The following ZGPAT variants were observed in gnomAD, a reference collection of about 807,000 sequenced individuals.
ZGPAT encodes zinc finger CCCH-type and G-patch domain containing, also known as zinc finger CCCH-type with G patch domain-containing protein.
Under a neutral mutation model 47.9 loss-of-function variants are expected in ZGPAT, and 39 were observed. The observed-to-expected ratio is 0.81, with a 90% CI of 0.63 to 1.06. The LOEUF (loss-of-function observed/expected upper bound fraction) is 1.06, where lower values mean the gene tolerates loss of function less well. ZGPAT is among the 50% of genes least tolerant of loss of function. ZGPAT has a pLI of 0.00. For synonymous variants in ZGPAT, 348 were observed against 292.9 expected (o/e 1.19, Z -1.92); for missense variants, 717 against 681.4 (o/e 1.05, Z -0.58).
chr20:63,731,459 T>TGTGTATGTGTGCATGTGCATAC (rs1263850863), intron 2 of ZGPAT, among the ~76,000 whole-genome samples: 9 of 106,946 alleles, frequency 8.4e-5, no homozygotes, highest in African/African-American at 2.2e-4. Flanking sequence ...TGGTCCTTGG[T>TGTGTATGTGTGCATGTGCATAC]GTGTATGTGT....
intron 2 of ZGPAT, among the ~76,000 whole-genome samples, chr20:63,722,599 A>C (rs1046083331): frequency 2.0e-5 from 3 of 152,086 alleles, no homozygotes; most frequent in African/African-American, 7.2e-5. Context: ...AACTTACCAC[A>C]ATGTACTTCA....
Position 63,733,365 on chromosome 20 carries a change from G to A in ZGPAT, c.718+13G>A, listed in dbSNP as rs756637053. ...GCACGCATCACCGGTGAGGCTGGCC[G>A]TGGGGGCCTCCCGGGAACACCCTCC... is the stretch of plus-strand genomic sequence containing the variant. On this transcript the variant is annotated intron_variant, in intron 3 of 6. Transcript: ENST00000355969. 19 of 1,607,594 alleles carry A rather than the reference G, an allele frequency of 1.2e-5. No homozygotes were observed. The highest frequency in any genetic ancestry group is 2.7e-5 in the African/African-American group (2 of 74,884).
intron 2 of ZGPAT, among the ~76,000 whole-genome samples, chr20:63,729,717 G>A (rs2091878045): frequency 6.6e-6 from 1 of 152,078 alleles, no homozygotes; most frequent in South Asian, 2.1e-4. Context: ...TTATTTCCAA[G>A]TTTTTCATAT....
intron 2 of ZGPAT, among the ~76,000 whole-genome samples, chr20:63,710,016 ATGT>A: frequency 6.6e-6 from 1 of 151,836 alleles, no homozygotes; most frequent in African/African-American, 2.4e-5. Flanking sequence ...GCCCGCCACC[ATGT>A]CTGGCTAATT....
chr20:63,732,893 CGTGTGTATATGCATGT>C (rs1367818086), intron 2 of ZGPAT, among the ~76,000 whole-genome samples: 1 of 150,750 alleles, frequency 6.6e-6, no homozygotes, highest in Non-Finnish European at 1.5e-5. Flanking sequence ...TGTATGTGTA[CGTGTGTATATGCATGT>C]GTGTGTATAT....
At chr20:63,717,558 C>G (rs2091743952) in intron 2 of ZGPAT, among the ~76,000 whole-genome samples, 1 of 134,446 alleles carries the variant, frequency 7.4e-6, no homozygotes, top group South Asian at 2.5e-4. Flanking sequence ...TCACTGCATT[C>G]CATAAGATTG....
intron 3 of ZGPAT, 32 bp from the exon 4 acceptor site, chr20:63,733,555 G>T (rs981963630): frequency 1.2e-6 from 2 of 1,613,916 alleles, no homozygotes; most frequent in Non-Finnish European, 1.7e-6. Flanking sequence ...TGCTGTCAAG[G>T]ATTCTGACCT....
rs758627917 is a variant in ZGPAT at position 63,735,297 on chromosome 20, G to C, written c.1130G>C (p.Arg377Thr). 1.9e-6 allele frequency: 3 copies of C among 1,603,016 alleles called. No homozygotes were observed. The highest frequency in any genetic ancestry group is 2.2e-5 in the South Asian group (2 of 89,724). The change falls in exon 6 of 7, where the codon AGG becomes ACG. Residue 377 changes from arginine (R) to threonine (T), a missense_variant. By Grantham distance (71) the Arg-to-Thr change is moderately conservative. Transcript: ENST00000355969. The part of the protein sequence containing the change: ...VGKAGTNKPP[R>T]CRGRGARPGG... ...AAGGCTGGCACCAACAAGCCCCCCA[G>C]GTGCCGGGGAAGAGGGGCCAGGCCT...
chr20:63,735,207 TGTTGCCTCGAGG>T lies in ZGPAT; in HGVS notation c.1042_1053del (p.Leu348_Gly351del), dbSNP rs762774679. 10 of 1,558,946 alleles carry T rather than the reference TGTTGCCTCGAGG, an allele frequency of 6.4e-6. No homozygotes were observed. The highest frequency in any genetic ancestry group is 8.7e-6 in the Non-Finnish European group (10 of 1,152,450). ...CGGGTGGAGCCCATCCATGCTGTGG[TGTTGCCTCGAGG>T]GAAGTCGCTGGACCAGTGTGTGGAG... On this transcript the variant is annotated inframe_deletion, in exon 6 of 7. Transcript: ENST00000355969.
intron 1 of ZGPAT, chr20:63,708,321 G>A (rs1024732717): frequency 2.4e-4 from 65 of 273,466 alleles, no homozygotes; most frequent in African/African-American, 1.4e-3. Flanking sequence ...GCGCCCCGCG[G>A]GGAAGGGGCT....
intron 2 of ZGPAT, among the ~76,000 whole-genome samples, chr20:63,711,881 G>A (rs886763869): frequency 2.0e-5 from 3 of 152,090 alleles, no homozygotes; most frequent in Non-Finnish European, 2.9e-5. Flanking sequence ...CACCACACCC[G>A]GCCCAGGATT....
At chr20:63,715,820 A>G (rs1237371472) in intron 2 of ZGPAT, among the ~76,000 whole-genome samples, 1 of 146,816 alleles carries the variant, frequency 6.8e-6, no homozygotes, top group Admixed American at 6.9e-5. Context: ...GAAGTGATAT[A>G]TACAATCATA....
chr20:63,726,986 C>A (rs923510249), intron 2 of ZGPAT, among the ~76,000 whole-genome samples: 1 of 152,098 alleles, frequency 6.6e-6, no homozygotes, highest in Non-Finnish European at 1.5e-5. Context: ...AATCCATAAA[C>A]CTACACAGAC....
At chr20:63,713,139 T>C (rs970511433) in intron 2 of ZGPAT, among the ~76,000 whole-genome samples, 1 of 151,858 alleles carries the variant, frequency 6.6e-6, no homozygotes. Flanking sequence ...TGGCACAATC[T>C]TGGCTCACTG....
At chr20:63,722,307 G>T (rs2091796963) in intron 2 of ZGPAT, among the ~76,000 whole-genome samples, 1 of 152,208 alleles carries the variant, frequency 6.6e-6, no homozygotes, top group Non-Finnish European at 1.5e-5. Flanking sequence ...ACTTCATTGA[G>T]CAGTCATCTG....
In ZGPAT at chr20:63,735,445, T is replaced by C. The variant is rs1036365589; in HGVS notation, c.1278T>C (p.His426=). Residue 426 remains histidine (H), a synonymous_variant, in exon 6 of 7, where the codon CAT becomes CAC. Transcript: ENST00000355969. The part of the protein sequence containing the change: ...PAGRRSKDMY[H]ASKSAKRALS... ...GGAGGAGGAGCAAGGACATGTACCA[T>C]GCCAGCAAGAGTGCCAAGCGGGCCC... 5 of 1,571,466 alleles carry C rather than the reference T, an allele frequency of 3.2e-6. No individual in the cohort carries two copies. The highest frequency in any genetic ancestry group is 1.4e-5 in the African/African-American group (1 of 73,210).
chr20:63,719,434 C>T (rs2091765359), intron 2 of ZGPAT, among the ~76,000 whole-genome samples: 1 of 152,276 alleles, frequency 6.6e-6, no homozygotes, highest in Non-Finnish European at 1.5e-5. Flanking sequence ...GCACAGGTCC[C>T]TTGGGCTCTA....
At chr20:63,734,098 G>C (rs530780436) in intron 4 of ZGPAT, 167 of 305,196 alleles carry the variant, frequency 5.5e-4, no homozygotes, top group Non-Finnish European at 8.2e-4. Context: ...TTGGGACCTG[G>C]GTGCCTGGGA....
In ZGPAT at chr20:63,735,146, C is replaced by T. The variant is rs747540932; in HGVS notation, c.992-13C>T. 3.1e-5 allele frequency: 46 copies of T among 1,503,436 alleles called. No individual in the cohort carries two copies. The highest frequency in any genetic ancestry group is 1.9e-4 in the Middle Eastern group (1 of 5,142). The allele number at this position is 1,503,436 out of a possible 1,614,324, so 93.1% of individuals were successfully genotyped here. A position where few individuals can be genotyped will look rare whatever the true frequency, so the allele number is the denominator to read the frequency against. ...CCCGCAGCCACAGCACTGCCATCCC[C>T]GTGCCTCCGCAGGTTTGGGCCGACA... On this transcript the variant is annotated splice_polypyrimidine_tract_variant and intron_variant, in intron 5 of 6. Transcript: ENST00000355969.
Sources: allele counts gnomAD v4.1 joint callset (sites outside exome capture counted in the v4.1 genomes callset), GRCh38; gene constraint gnomAD v4.1.1; transcripts MANE v1.5; gene names NCBI Gene and HGNC (gene_info 2026-07-23, HGNC 2026-07-21).